The following TCF20 variants were observed in gnomAD, a reference collection of about 807,000 sequenced individuals.
The protein encoded by TCF20 is transcription factor 20, also known as SPRE-binding protein.
TCF20 carries 3 observed loss-of-function variants against 148.6 expected under a neutral mutation model. That is an observed-to-expected ratio of 0.02 (90% CI 0.01 to 0.05). TCF20 has a LOEUF of 0.05. Ranked by LOEUF, TCF20 falls within the 10% of genes least tolerant of loss-of-function variation. The pLI is 1.00. For synonymous variants in TCF20, 1,049 were observed against 909.5 expected (o/e 1.15, Z -2.76); for missense variants, 2,350 against 2,429.3 (o/e 0.97, Z 0.69).
At chr22:42,316,869 A>G (rs1927642315) in intron 1 of TCF20, among the ~76,000 whole-genome samples, 1 of 152,210 alleles carries the variant, frequency 6.6e-6, no homozygotes, top group Non-Finnish European at 1.5e-5. Context: ...TGACACTGGC[A>G]GAACTTTCTG....
At chr22:42,191,404 C>T (rs545614759) in intron 2 of TCF20, among the ~76,000 whole-genome samples, 3 of 152,294 alleles carry the variant, frequency 2.0e-5, no homozygotes, top group African/African-American at 7.2e-5. Flanking sequence ...ATGCTCCTGC[C>T]TTAGCCTCTA....
chr22:42,272,088 T>TCCC (rs1926642080), upstream of TCF20, among the ~76,000 whole-genome samples: 3 of 152,198 alleles, frequency 2.0e-5, no homozygotes, highest in Non-Finnish European at 4.4e-5. Flanking sequence ...CCAAAGCAGG[T>TCCC]CAGGACTATT....
At chr22:42,329,487 C>T (rs1927932466) in intron 1 of TCF20, among the ~76,000 whole-genome samples, 4 of 152,196 alleles carry the variant, frequency 2.6e-5, no homozygotes, top group Admixed American at 2.6e-4. Flanking sequence ...AGGAGAGAAG[C>T]GGGGCTCGAG....
At chr22:42,277,783 G>A (rs1926812486) in intron 1 of TCF20, among the ~76,000 whole-genome samples, 1 of 152,224 alleles carries the variant, frequency 6.6e-6, no homozygotes, top group African/African-American at 2.4e-5. Context: ...AGCCTCTTCT[G>A]AGAAGTGCAG....
intron 3 of TCF20, among the ~76,000 whole-genome samples, chr22:42,173,725 CTGTGACT>C (rs1936274692): frequency 6.6e-6 from 1 of 152,162 alleles, no homozygotes; most frequent in African/African-American, 2.4e-5. Context: ...CTCTGGGTCA[CTGTGACT>C]TGGGTCATCA....
chr22:42,305,249 T>C (rs1258678033), intron 1 of TCF20, among the ~76,000 whole-genome samples: 1 of 152,108 alleles, frequency 6.6e-6, no homozygotes, highest in Non-Finnish European at 1.5e-5. Flanking sequence ...CCCAATCCCC[T>C]AATTCATACT....
intron 3 of TCF20, among the ~76,000 whole-genome samples, chr22:42,176,445 C>T (rs1338441283): frequency 6.6e-6 from 1 of 152,180 alleles, no homozygotes; most frequent in Non-Finnish European, 1.5e-5. Context: ...TATGTTATGC[C>T]TCACGCCTGT....
intron 1 of TCF20, among the ~76,000 whole-genome samples, chr22:42,259,077 T>C (rs1302474202): frequency 6.6e-5 from 10 of 152,192 alleles, no homozygotes; most frequent in Admixed American, 6.5e-4. Context: ...TCAGTAATCT[T>C]GTCTACTGCC....
intron 1 of TCF20, among the ~76,000 whole-genome samples, chr22:42,311,363 G>T (rs1051239120): frequency 6.6e-6 from 1 of 152,252 alleles, no homozygotes; most frequent in Non-Finnish European, 1.5e-5. Flanking sequence ...GTGTCATAGA[G>T]TAGGTACCCC....
chr22:42,273,532 T>G (rs1926700156), upstream of TCF20, among the ~76,000 whole-genome samples: 2 of 152,046 alleles, frequency 1.3e-5, no homozygotes, highest in Non-Finnish European at 1.5e-5. Context: ...TGAGCGCCCC[T>G]TCCTCTGAAA....
chr22:42,176,092 G>C (rs1297446462), intron 3 of TCF20, among the ~76,000 whole-genome samples: 2 of 152,178 alleles, frequency 1.3e-5, no homozygotes, highest in African/African-American at 4.8e-5. Flanking sequence ...CACCACACCT[G>C]GCACTCTGTT....
At chr22:42,238,221 T>G (rs1168980945) in intron 1 of TCF20, among the ~76,000 whole-genome samples, 1 of 152,266 alleles carries the variant, frequency 6.6e-6, no homozygotes, top group African/African-American at 2.4e-5. Flanking sequence ...GTTACAGAGA[T>G]GGTTTCAAGA....
At chr22:42,204,208 A>G (rs1189328121) in intron 2 of TCF20, among the ~76,000 whole-genome samples, 1 of 152,180 alleles carries the variant, frequency 6.6e-6, no homozygotes, top group Non-Finnish European at 1.5e-5. Context: ...ATAAGCCCCT[A>G]AACTGGCCAG....
At chr22:42,167,514 G>A (rs1455870269) in intron 5 of TCF20, among the ~76,000 whole-genome samples, 1 of 146,450 alleles carries the variant, frequency 6.8e-6, no homozygotes, top group African/African-American at 2.5e-5. Context: ...AGTGCCACAA[G>A]GTACATTTTG....
upstream of TCF20, chr22:42,275,130 C>T (rs2147010356): frequency 6.6e-6 from 1 of 152,310 alleles, no homozygotes; most frequent in East Asian, 1.9e-4. Context: ...ACTGGAAAGA[C>T]AGAGATGGAC....
intron 1 of TCF20, among the ~76,000 whole-genome samples, chr22:42,226,501 T>A (rs1922908536): frequency 1.3e-5 from 2 of 152,190 alleles, no homozygotes; most frequent in South Asian, 4.2e-4. Context: ...GGTCAGAAGT[T>A]CAAGACCAGC....
At chr22:42,253,512 T>C (rs985767668) in intron 1 of TCF20, among the ~76,000 whole-genome samples, 2 of 152,204 alleles carry the variant, frequency 1.3e-5, no homozygotes, top group African/African-American at 4.8e-5. Context: ...TCAATTCCAA[T>C]TCCTTAGTAA....
At position 42,170,590 on chromosome 22, in the gene TCF20, T is replaced by A. The variant is rs184718249; in HGVS notation, c.5750-694A>T. On this transcript the variant is annotated intron_variant, in intron 3 of 5. Coordinates refer to ENST00000677622, the MANE Select transcript of TCF20 (RefSeq NM_001378418.1). ...TTGCAGTGAGCCGAGATCACACCAC[T>A]GCACTCCAGCCTGGTGACAGAGCGA... Among the ~76,000 whole-genome samples the A allele has an allele frequency of 1.7e-3, 213 of 122,422 alleles. 2 individuals are homozygous for A. The Middle Eastern group carries it at 0.035, about 20-fold the overall frequency. The allele number at this position is 122,422 out of a possible 152,430, so 80.3% of individuals were successfully genotyped here. A position where few individuals can be genotyped will look rare whatever the true frequency, so the allele number is the denominator to read the frequency against.
intron 1 of TCF20, among the ~76,000 whole-genome samples, chr22:42,334,951 C>T (rs1477387574): frequency 6.6e-6 from 1 of 152,120 alleles, no homozygotes; most frequent in Non-Finnish European, 1.5e-5. Flanking sequence ...GAACCAGGAC[C>T]CAAGACTCCA....
Sources: gnomAD v4.1 joint callset for allele counts (sites outside exome capture counted in the v4.1 genomes callset) on GRCh38, gnomAD v4.1.1 for gene constraint, MANE v1.5 for transcripts, NCBI Gene and HGNC (gene_info 2026-07-23, HGNC 2026-07-21) for gene names.